The following CLYBL variants were observed in gnomAD, a reference collection of about 807,000 sequenced individuals.
CLYBL encodes citramalyl-CoA lyase, mitochondrial.
CLYBL carries 31 observed loss-of-function variants against 38.9 expected under a neutral mutation model. The observed-to-expected ratio is 0.80, with a 90% CI of 0.60 to 1.08. CLYBL has a LOEUF of 1.08. CLYBL is among the 50% of genes least tolerant of loss of function. The probability of loss-of-function intolerance (pLI) is 0.00; values close to 1 mark genes in which losing one functional copy is unlikely to be tolerated. For synonymous variants in CLYBL, 171 were observed against 158.6 expected (o/e 1.08, Z -0.59); for missense variants, 434 against 411.6 (o/e 1.05, Z -0.47).
intron 1 of CLYBL, among the ~76,000 whole-genome samples, chr13:99,660,134 C>T (rs915812596): frequency 4.6e-5 from 7 of 152,252 alleles, no homozygotes; most frequent in Middle Eastern, 3.4e-3. Context: ...GCGACACATC[C>T]AGCTTGTTTT....
intron 1 of CLYBL, among the ~76,000 whole-genome samples, chr13:99,740,755 T>C (rs1167038507): frequency 2.6e-5 from 4 of 152,154 alleles, no homozygotes; most frequent in Non-Finnish European, 5.9e-5. Flanking sequence ...TCACAGTAAT[T>C]AGCACTGAAT....
At chr13:99,793,991 G>A (rs1427976603) in intron 2 of CLYBL, among the ~76,000 whole-genome samples, 1 of 152,046 alleles carries the variant, frequency 6.6e-6, no homozygotes, top group African/African-American at 2.4e-5. Context: ...ATAGCTTCGA[G>A]ACTATGGTGA....
chr13:99,796,675 G>T lies in CLYBL; in HGVS notation c.249+23665G>T, dbSNP rs569021250. 9.2e-4 allele frequency among the ~76,000 whole-genome samples: 140 copies of T among 152,168 alleles called. 2 individuals are homozygous for T. Among genetic ancestry groups the T allele is most frequent in the Non-Finnish European group, 1.8e-3 (122 of 68,030 alleles). ...TTGATCACCACATTTGCTAATGAAG[G>T]TTATTAACAGAGCCACACAAAACCT... On this transcript the variant is annotated intron_variant, in intron 2 of 8. Coordinates refer to ENST00000339105, the MANE Select transcript of CLYBL (RefSeq NM_206808.5).
Position 99,793,582 on chromosome 13 carries a change from T to C in CLYBL, c.249+20572T>C, listed in dbSNP as rs144144785. Among the ~76,000 whole-genome samples the C allele has an allele frequency of 2.3e-3, 351 of 152,252 alleles. 4 individuals carry two copies. The highest frequency in any genetic ancestry group is 8.1e-3 in the African/African-American group (336 of 41,566). On this transcript the variant is annotated intron_variant, in intron 2 of 8. Coordinates refer to ENST00000339105, the MANE Select transcript of CLYBL (RefSeq NM_206808.5). ...CTTTTGAACAGTAATTGTTAAAAAA[T>C]AAATAAAAAACAACAAAAAATTTTT...
chr13:99,893,729 C>T (rs2052534128), downstream of CLYBL: 1 of 152,572 alleles, frequency 6.6e-6, no homozygotes, highest in Non-Finnish European at 1.5e-5. Flanking sequence ...CACTGGGAGC[C>T]TCCTGTCCCC....
At chr13:99,768,494 C>CTTTTTTT (rs779750350) in intron 1 of CLYBL, among the ~76,000 whole-genome samples, 1 of 84,890 alleles carries the variant, frequency 1.2e-5, no homozygotes. Flanking sequence ...CGCCCGACCT[C>CTTTTTTT]TTTTTTTTTT....
Position 99,849,162 on chromosome 13 carries a change from A to AG in CLYBL, c.250-9699_250-9698insG, listed in dbSNP as rs1555317881. Among the ~76,000 whole-genome samples the AG allele has an allele frequency of 6.6e-6, 1 of 150,992 alleles. No homozygotes were observed. Among genetic ancestry groups the AG allele is most frequent in the Non-Finnish European group, 1.5e-5 (1 of 67,746 alleles). On this transcript the variant is annotated intron_variant, in intron 2 of 8. Coordinates refer to ENST00000339105, the MANE Select transcript of CLYBL (RefSeq NM_206808.5). The surrounding 1 kb of genome is among the most constrained non-coding windows in gnomAD (Gnocchi z 4.9). ...CAAAAAAAGAAAAAAGAAAAAAAAA[A>AG]CACTATTGAGAAAGACAGTGTAAGC... is the stretch of plus-strand genomic sequence containing the variant.
At chr13:99,856,111 C>A (rs773862718) in intron 2 of CLYBL, among the ~76,000 whole-genome samples, 1 of 152,130 alleles carries the variant, frequency 6.6e-6, no homozygotes, top group Admixed American at 6.5e-5. Flanking sequence ...TCATTTGCAG[C>A]CAATTTCACA....
chr13:99,791,265 A>G (rs2049910287), intron 2 of CLYBL, among the ~76,000 whole-genome samples: 1 of 152,190 alleles, frequency 6.6e-6, no homozygotes, highest in Admixed American at 6.5e-5. Context: ...GTTGGTGATA[A>G]TGAAACACAC....
chr13:99,617,468 T>TA (rs1315957812), intron 1 of CLYBL, among the ~76,000 whole-genome samples: 3 of 152,216 alleles, frequency 2.0e-5, no homozygotes, highest in African/African-American at 7.2e-5. Context: ...AGAAGGTTGA[T>TA]ATGCCCACAT....
chr13:99,663,633 A>T (rs1215977181), intron 1 of CLYBL, among the ~76,000 whole-genome samples: 1 of 152,216 alleles, frequency 6.6e-6, no homozygotes, highest in East Asian at 1.9e-4. Flanking sequence ...CTACCTGATG[A>T]AAGTGTCCAG....
At chr13:99,709,946 C>T (rs1185653517) in intron 1 of CLYBL, among the ~76,000 whole-genome samples, 4 of 112,980 alleles carry the variant, frequency 3.5e-5, no homozygotes, top group South Asian at 5.6e-4. Context: ...TTTTTTGAGA[C>T]GGAGTCTCGC....
At chr13:99,771,736 A>G (rs1057397053) in intron 1 of CLYBL, among the ~76,000 whole-genome samples, 1 of 152,186 alleles carries the variant, frequency 6.6e-6, no homozygotes, top group African/African-American at 2.4e-5. Context: ...AGCATAGTTT[A>G]GAAGCAGGCA....
chr13:99,793,435 C>T (rs1224959406), intron 2 of CLYBL, among the ~76,000 whole-genome samples: 1 of 152,234 alleles, frequency 6.6e-6, no homozygotes, highest in Non-Finnish European at 1.5e-5. Flanking sequence ...TGCTTAGGAA[C>T]TCTGCAAGGT....
intron 1 of CLYBL, among the ~76,000 whole-genome samples, chr13:99,674,650 AATCT>A (rs1405864385): frequency 6.6e-6 from 1 of 152,100 alleles, no homozygotes; most frequent in Non-Finnish European, 1.5e-5. Flanking sequence ...GGCAACCACT[AATCT>A]ATTTTCTGTC....
At chr13:99,753,449 G>A (rs1402856551) in intron 1 of CLYBL, among the ~76,000 whole-genome samples, 1 of 152,154 alleles carries the variant, frequency 6.6e-6, no homozygotes, top group Non-Finnish European at 1.5e-5. Context: ...CAGTGCAGAG[G>A]TGCGTGCAAG....
chr13:99,712,864 G>C (rs535086448), intron 1 of CLYBL, among the ~76,000 whole-genome samples: 78 of 152,146 alleles, frequency 5.1e-4, no homozygotes, highest in African/African-American at 1.8e-3. Context: ...CGTTTGCTCT[G>C]TTTGTACTCT....
At chr13:99,813,391 A>G (rs1021382531) in intron 2 of CLYBL, among the ~76,000 whole-genome samples, 1 of 152,200 alleles carries the variant, frequency 6.6e-6, no homozygotes, top group Non-Finnish European at 1.5e-5. Context: ...TAATACTAGT[A>G]TTTATTTAGT....
intron 1 of CLYBL, among the ~76,000 whole-genome samples, chr13:99,642,084 C>A (rs906256723): frequency 4.6e-5 from 7 of 152,172 alleles, no homozygotes; most frequent in African/African-American, 1.2e-4. Context: ...TGTGAGGGTA[C>A]CAGGCTCTCA....
Sources: allele counts gnomAD v4.1 joint callset (sites outside exome capture counted in the v4.1 genomes callset), GRCh38; gene constraint gnomAD v4.1.1; non-coding constraint Gnocchi (gnomAD v3.1); transcripts MANE v1.5; gene names NCBI Gene and HGNC (gene_info 2026-07-23, HGNC 2026-07-21).